ARID1B: variants seen among roughly 807,000 people sequenced by gnomAD.
The protein encoded by ARID1B is AT-rich interaction domain 1B.
In ARID1B, 30 loss-of-function variants were observed where a neutral mutation model predicts 212.3. The ratio of observed to expected loss-of-function variants is 0.14; its 90% CI spans 0.11 to 0.19. ARID1B has a LOEUF of 0.19. Among genes scored for constraint, ARID1B ranks in the 10% least tolerant of loss-of-function variants. The pLI is 1.00. For missense variants in ARID1B, 2,891 were observed against 3,204.0 expected (o/e 0.90, Z 2.36); for synonymous variants, 1,402 against 1,301.7 (o/e 1.08, Z -1.66).
intron 2 of ARID1B, among the ~76,000 whole-genome samples, chr6:156,866,133 G>A (rs1169099362): frequency 1.3e-5 from 2 of 152,108 alleles, no homozygotes; most frequent in Non-Finnish European, 2.9e-5. Flanking sequence ...TTTCTTATTG[G>A]TCCAGCCTCA....
chr6:156,897,258 C>CTTATTATTATTATTATTA (rs1181438273), intron 2 of ARID1B, among the ~76,000 whole-genome samples: 203 of 87,104 alleles, frequency 2.3e-3, no homozygotes, highest in Middle Eastern at 5.3e-3. Context: ...TCTTCTTCTT[C>CTTATTATTATTATTATTA]TTCTTCTTAT....
chr6:157,036,502 T>C (rs1781336049), intron 4 of ARID1B: 1 of 256,004 alleles, frequency 3.9e-6, no homozygotes, highest in African/African-American at 2.2e-5. Context: ...AAAAGGCATA[T>C]GCAACATGTT....
chr6:156,985,323 A>G (rs1472063034), intron 4 of ARID1B: 1 of 152,268 alleles, frequency 6.6e-6, no homozygotes, highest in African/African-American at 2.4e-5. Flanking sequence ...AAACATAGTT[A>G]GCAAGCATTT....
At chr6:156,880,076 G>A (rs1327296077) in intron 2 of ARID1B, among the ~76,000 whole-genome samples, 1 of 152,196 alleles carries the variant, frequency 6.6e-6, no homozygotes, top group Admixed American at 6.5e-5. Context: ...GAGTTGTGAG[G>A]TGGAGGCCAG....
rs774855592 is a variant in ARID1B at position 157,181,098 on chromosome 6, A to G, written c.3634A>G (p.Ser1212Gly). Residue 1212 changes from serine to glycine, a missense_variant, in exon 12 of 20, where the codon AGT becomes GGT. By Grantham distance (56) the Ser-to-Gly change is moderately conservative (BLOSUM62 0). Coordinates refer to ENST00000636930, the MANE Select transcript of ARID1B (RefSeq NM_001374828.1). ...FMEERGSPVS[S>G]LPAVGKKPLD... ...GGAAGAGAGAGGCTCTCCTGTCTCA[A>G]GTCTGCCTGCCGTGGGCAAGAAGCC... 1.5e-5 allele frequency: 24 copies of G among 1,614,110 alleles called. No individual in the cohort carries two copies. Among genetic ancestry groups the G allele is most frequent in the Non-Finnish European group, 1.9e-5 (22 of 1,180,048 alleles).
chr6:156,867,759 A>G (rs1392474006), intron 2 of ARID1B, among the ~76,000 whole-genome samples: 9 of 152,216 alleles, frequency 5.9e-5, no homozygotes, highest in African/African-American at 2.2e-4. Context: ...AAGTGGTCCG[A>G]CAGATCTCAA....
At chr6:157,050,720 A>G (rs1052091586) in intron 4 of ARID1B, among the ~76,000 whole-genome samples, 1 of 152,206 alleles carries the variant, frequency 6.6e-6, no homozygotes, top group Non-Finnish European at 1.5e-5. Context: ...TGAGCCCTGT[A>G]ATAGTACTTC....
At chr6:156,851,888 T>C (rs1784602703) in intron 2 of ARID1B, among the ~76,000 whole-genome samples, 1 of 152,216 alleles carries the variant, frequency 6.6e-6, no homozygotes, top group African/African-American at 2.4e-5. Flanking sequence ...TTGATCCCTG[T>C]GGACTGTGGC....
chr6:157,030,989 C>T (rs1475658932), intron 4 of ARID1B, among the ~76,000 whole-genome samples: 2 of 151,888 alleles, frequency 1.3e-5, no homozygotes, highest in East Asian at 1.9e-4. Context: ...GTCATGTGGT[C>T]TGTCATGCTA....
intron 4 of ARID1B, among the ~76,000 whole-genome samples, chr6:157,051,473 CAAAAA>C (rs371389438): frequency 6.8e-6 from 1 of 146,396 alleles, no homozygotes. Context: ...TCTTATTAAG[CAAAAA>C]AAAAATGTTA....
intron 5 of ARID1B, among the ~76,000 whole-genome samples, chr6:157,090,966 G>A (rs1452674578): frequency 6.6e-6 from 1 of 152,076 alleles, no homozygotes; most frequent in Non-Finnish European, 1.5e-5. Context: ...GCCGCCTCCC[G>A]CCTGGGGTAG....
At chr6:156,798,729 C>T (rs1319586983) in intron 1 of ARID1B, among the ~76,000 whole-genome samples, 1 of 152,232 alleles carries the variant, frequency 6.6e-6, no homozygotes, top group African/African-American at 2.4e-5. Flanking sequence ...GTGGAGGCAT[C>T]TCTGAGTGTC....
At chr6:156,896,831 A>T (rs1788439673) in intron 2 of ARID1B, among the ~76,000 whole-genome samples, 1 of 152,158 alleles carries the variant, frequency 6.6e-6, no homozygotes, top group Admixed American at 6.5e-5. Flanking sequence ...GTGAGCTGAG[A>T]TCGTGCCACT....
intron 3 of ARID1B, among the ~76,000 whole-genome samples, chr6:156,924,526 A>C (rs2128245445): frequency 6.6e-6 from 1 of 152,334 alleles, no homozygotes; most frequent in South Asian, 2.1e-4. Context: ...AGTGGATGGG[A>C]AGCGCCTGCA....
intron 16 of ARID1B, among the ~76,000 whole-genome samples, chr6:157,198,224 T>C (rs1328307161): frequency 6.6e-6 from 1 of 152,262 alleles, no homozygotes; most frequent in African/African-American, 2.4e-5. Flanking sequence ...CTGGAGCCTT[T>C]TAGGGCATAG....
chr6:157,023,432 C>A (rs963935460), intron 4 of ARID1B: 16 of 152,170 alleles, frequency 1.1e-4, no homozygotes, highest in African/African-American at 3.6e-4. Context: ...TTCTCTGTAT[C>A]TCAGAAGGGA....
At chr6:157,039,682 CTTCCTTCCTTCCTTCTTTCT>C (rs1781650705) in intron 4 of ARID1B, among the ~76,000 whole-genome samples, 5 of 75,488 alleles carry the variant, frequency 6.6e-5, no homozygotes, top group Non-Finnish European at 1.4e-4. Flanking sequence ...TCCTTCCTTC[CTTCCTTCCTTCCTTCTTTCT>C]TTCCTTTCTT....
intron 5 of ARID1B, among the ~76,000 whole-genome samples, chr6:157,097,210 A>G (rs1202739567): frequency 6.6e-6 from 1 of 152,226 alleles, no homozygotes; most frequent in African/African-American, 2.4e-5. Flanking sequence ...AAAGCATATT[A>G]TTTTAGTACA....
chr6:156,828,041 A>G (rs1330721132), intron 1 of ARID1B, among the ~76,000 whole-genome samples: 7 of 145,374 alleles, frequency 4.8e-5, no homozygotes, highest in Admixed American at 7.1e-5. Context: ...GATTACAGGC[A>G]TGAGTCACCA....
Sources: allele counts gnomAD v4.1 joint callset (sites outside exome capture counted in the v4.1 genomes callset), GRCh38; gene constraint gnomAD v4.1.1; transcripts MANE v1.5; gene names NCBI Gene and HGNC (gene_info 2026-07-23, HGNC 2026-07-21).